The following NTN4 variants were observed in gnomAD, a reference collection of about 807,000 sequenced individuals.
The protein encoded by NTN4 is netrin 4.
In NTN4, 32 loss-of-function variants were observed where a neutral mutation model predicts 73.6. The ratio of observed to expected loss-of-function variants is 0.44; its 90% CI spans 0.33 to 0.58. NTN4 has a LOEUF of 0.58. Among genes scored for constraint, NTN4 ranks in the 20% least tolerant of loss-of-function variants. NTN4 has a pLI of 0.04. For missense variants in NTN4, 654 were observed against 798.3 expected, an observed-to-expected ratio of 0.82 and a Z score of 2.18; for synonymous variants, 258 against 287.5, an observed-to-expected ratio of 0.90 and a Z score of 1.04.
intron 2 of NTN4, among the ~76,000 whole-genome samples, chr12:95,777,887 T>C (rs1164024760): frequency 6.8e-6 from 1 of 146,890 alleles, no homozygotes; most frequent in Non-Finnish European, 1.5e-5. Context: ...CACATCGCAC[T>C]TATTCCAAAA....
intron 9 of NTN4, 33 bp from the exon 10 acceptor site, chr12:95,659,255 A>T (rs1421662222): frequency 1.3e-6 from 2 of 1,550,090 alleles, no homozygotes. Context: ...GCTATACAGT[A>T]TCATACTTTG....
At chr12:95,680,493 G>A (rs2078306885) in intron 7 of NTN4, among the ~76,000 whole-genome samples, 1 of 152,212 alleles carries the variant, frequency 6.6e-6, no homozygotes, top group South Asian at 2.1e-4. Flanking sequence ...GCCAGCCCCT[G>A]GCCTGGTGAA....
chr12:95,774,166 T>C (rs2079075645), intron 2 of NTN4, among the ~76,000 whole-genome samples: 1 of 105,260 alleles, frequency 9.5e-6, no homozygotes, highest in African/African-American at 4.4e-5. Flanking sequence ...TTAGTTTTAG[T>C]TTTTCTCTCT....
chr12:95,695,645 G>A (rs963960346), intron 5 of NTN4, among the ~76,000 whole-genome samples: 12 of 152,092 alleles, frequency 7.9e-5, no homozygotes, highest in South Asian at 2.1e-4. Flanking sequence ...GATTACAGGC[G>A]CTCAGCCATA....
At chr12:95,683,732 A>G (rs993132067) in intron 5 of NTN4, 21 bp from the exon 6 acceptor site, 2 of 1,563,108 alleles carry the variant, frequency 1.3e-6, no homozygotes, top group African/African-American at 1.4e-5. Context: ...GAGGACACGC[A>G]AGGATCAAAG....
chr12:95,787,549 C>T, intron 1 of NTN4, 81 bp from the exon 2 acceptor site: 1 of 1,390,168 alleles, frequency 7.2e-7, no homozygotes, highest in Non-Finnish European at 9.9e-7. Context: ...CAACAACAGT[C>T]AAGGATCTCC....
chr12:95,773,813 T>C (rs1565916266), intron 2 of NTN4, among the ~76,000 whole-genome samples: 2 of 152,264 alleles, frequency 1.3e-5, no homozygotes, highest in East Asian at 3.9e-4. Flanking sequence ...ACATTTAAAA[T>C]ATGATGCAAG....
chr12:95,781,841 C>T lies in NTN4; in HGVS notation c.585+5098G>A, dbSNP rs1052528309. Among the ~76,000 whole-genome samples the T allele has an allele frequency of 6.6e-6, 1 of 152,130 alleles. No homozygotes were observed. Among genetic ancestry groups the T allele is most frequent in the Non-Finnish European group, 1.5e-5 (1 of 68,008 alleles). ...TAGTATTTACCACACTCCGACATAACACAGATTTTACTTATTTGCTCTCTA... is the reference window on the plus strand; with the variant it reads ...TAGTATTTACCACACTCCGACATAATACAGATTTTACTTATTTGCTCTCTA... On this transcript the variant is annotated intron_variant, in intron 2 of 9. Coordinates refer to ENST00000343702, the MANE Select transcript of NTN4 (RefSeq NM_021229.4). The surrounding 1 kb of genome is among the most constrained non-coding windows in gnomAD (Gnocchi z 4.1).
chr12:95,768,424 A>G (rs916268820), intron 2 of NTN4, among the ~76,000 whole-genome samples: 2 of 151,932 alleles, frequency 1.3e-5, no homozygotes, highest in Non-Finnish European at 2.9e-5. Context: ...GGGGGAGGGG[A>G]TCAGAAAAGG....
chr12:95,666,061 A>G (rs2078177251), intron 8 of NTN4, 81 bp from the exon 9 acceptor site: 2 of 1,052,534 alleles, frequency 1.9e-6, no homozygotes, highest in South Asian at 1.8e-5. Flanking sequence ...GCATTTCAGA[A>G]TATAATGGAA....
intron 3 of NTN4, among the ~76,000 whole-genome samples, chr12:95,727,218 T>C (rs1255734118): frequency 6.6e-6 from 1 of 152,216 alleles, no homozygotes; most frequent in East Asian, 1.9e-4. Flanking sequence ...TTTGCATACC[T>C]TCTTTGGGTG....
rs944695795 is a variant in NTN4 at position 95,790,407 on chromosome 12, C to A, written c.-98G>T. ...AAGCGCCGCCGTCCTCGGGAGGGAA[C>A]GGGGCCCTGGTTTCTTCCTCCTCCT... is the stretch of plus-strand genomic sequence containing the variant. On this transcript the variant is annotated 5_prime_UTR_variant, in exon 1 of 10. Transcript: ENST00000343702. The surrounding 1 kb of genome is among the most constrained non-coding windows in gnomAD (Gnocchi z 6.5). The A allele has an allele frequency of 4.6e-6, 5 of 1,079,256 alleles. No homozygotes were observed. Among genetic ancestry groups the A allele is most frequent in the Middle Eastern group, 3.1e-4 (1 of 3,234 alleles). 66.9% of individuals were successfully genotyped at this position (1,079,256 alleles called of 1,614,324 possible).
At chr12:95,707,263 C>G (rs1418128788) in intron 5 of NTN4, among the ~76,000 whole-genome samples, 2 of 152,180 alleles carry the variant, frequency 1.3e-5, no homozygotes, top group Non-Finnish European at 1.5e-5. Flanking sequence ...CCTCTCTAGT[C>G]TCATCTCCTG....
intron 7 of NTN4, among the ~76,000 whole-genome samples, chr12:95,676,883 TTAAA>T (rs1392550508): frequency 6.6e-6 from 1 of 152,096 alleles, no homozygotes; most frequent in East Asian, 1.9e-4. Context: ...TGAGTAAAGG[TTAAA>T]TAAATTATGA....
At chr12:95,661,652 T>C (rs1009901247) in intron 9 of NTN4, among the ~76,000 whole-genome samples, 1 of 152,234 alleles carries the variant, frequency 6.6e-6, no homozygotes, top group African/African-American at 2.4e-5. Context: ...ATCTCTATAA[T>C]GGACTCTAGC....
chr12:95,713,770 T>A (rs1216076293), intron 3 of NTN4, among the ~76,000 whole-genome samples: 1 of 152,198 alleles, frequency 6.6e-6, no homozygotes, highest in Non-Finnish European at 1.5e-5. Context: ...CTTAAAAAAA[T>A]TATATTTACA....
chr12:95,781,336 A>G lies in NTN4; in HGVS notation c.585+5603T>C, dbSNP rs2079131794. ...TTAAAAAACCATACCATTACCATAA[A>G]GCAAATGTGACCCTTAATTATAGGT... On this transcript the variant is annotated intron_variant, in intron 2 of 9. Coordinates refer to ENST00000343702, the MANE Select transcript of NTN4 (RefSeq NM_021229.4). This position sits in a 1 kb window ranked among gnomAD's most constrained non-coding sequence, Gnocchi z 4.1. Among the ~76,000 whole-genome samples, 2 of 152,198 alleles carry G rather than the reference A, an allele frequency of 1.3e-5. No homozygotes were observed. The highest frequency in any genetic ancestry group is 2.9e-5 in the Non-Finnish European group (2 of 68,030).
intron 3 of NTN4, among the ~76,000 whole-genome samples, chr12:95,720,091 T>C (rs1440351820): frequency 6.6e-6 from 1 of 152,232 alleles, no homozygotes; most frequent in East Asian, 1.9e-4. Flanking sequence ...AAATTCTTTC[T>C]GTATAAATTC....
At chr12:95,758,169 G>C (rs1457803074) in intron 2 of NTN4, among the ~76,000 whole-genome samples, 2 of 152,170 alleles carry the variant, frequency 1.3e-5, no homozygotes, top group East Asian at 3.8e-4. Flanking sequence ...TGCTAAAGTT[G>C]TTGTACTATT....
Sources: allele counts gnomAD v4.1 joint callset (sites outside exome capture counted in the v4.1 genomes callset), GRCh38; gene constraint gnomAD v4.1.1; non-coding constraint Gnocchi (gnomAD v3.1); transcripts MANE v1.5; gene names NCBI Gene and HGNC (gene_info 2026-07-23, HGNC 2026-07-21).